The following CTBP2 variants were observed in gnomAD, a reference collection of about 807,000 sequenced individuals.
CTBP2 encodes the protein C-terminal binding protein 2.
Under a neutral mutation model 80.3 loss-of-function variants are expected in CTBP2, and 30 were observed. The observed-to-expected ratio is 0.37, with a 90% CI of 0.28 to 0.51. The LOEUF (loss-of-function observed/expected upper bound fraction) is 0.51. Among genes scored for constraint, CTBP2 ranks in the 20% least tolerant of loss-of-function variants. CTBP2 has a pLI of 0.93. For missense variants in CTBP2, 1,212 were observed against 1,375.3 expected (o/e 0.88, Z 1.88); for synonymous variants, 594 against 587.4 (o/e 1.01, Z -0.16).
At chr10:124,992,563 T>C (rs1952823971) in intron 8 of CTBP2, 132 bp downstream of exon 10, 2 of 618,984 alleles carry the variant, frequency 3.2e-6, no homozygotes, top group Non-Finnish European at 5.8e-6. Flanking sequence ...CAGTTCCTGC[T>C]GAGAAGGCTG....
At chr10:125,158,316 A>G (rs1401543907) in intron 1 of CTBP2, among the ~76,000 whole-genome samples, 1 of 152,172 alleles carries the variant, frequency 6.6e-6, no homozygotes, top group East Asian at 1.9e-4. Context: ...CTAGTAGAGA[A>G]AGCTATCTTT....
At position 125,064,874 on chromosome 10, in the gene CTBP2, G is replaced by A. The variant is rs1844387152; in HGVS notation, c.-101-25719C>T. 2.0e-5 allele frequency among the ~76,000 whole-genome samples: 3 copies of A among 152,204 alleles called. No homozygotes were observed. The South Asian group carries it at 6.2e-4, about 31-fold the overall frequency. On this transcript the variant is annotated intron_variant, in intron 2 of 10. Coordinates refer to the CTBP2 transcript ENST00000337195. ...TGGTTTGGTGACTTAGCTCAGAGCT[G>A]GTCTGGCTCTTCTCTACTTTCTTGC...
At chr10:125,132,287 C>T (rs1856308860) in intron 1 of CTBP2, among the ~76,000 whole-genome samples, 2 of 151,696 alleles carry the variant, frequency 1.3e-5, no homozygotes, top group South Asian at 2.1e-4. Flanking sequence ...TTATAAACCA[C>T]TAAGGGAGAA....
intron 1 of CTBP2, among the ~76,000 whole-genome samples, chr10:125,018,513 A>ACCAAAAG (rs1956720747): frequency 1.3e-5 from 2 of 151,490 alleles, no homozygotes; most frequent in Non-Finnish European, 1.5e-5. Context: ...CAAACCAAAA[A>ACCAAAAG]CCAAAAACCA....
chr10:125,083,572 C>T (rs1288964777), intron 2 of CTBP2, among the ~76,000 whole-genome samples: 1 of 152,196 alleles, frequency 6.6e-6, no homozygotes, highest in Non-Finnish European at 1.5e-5. Flanking sequence ...GATCAAAGAC[C>T]ATAACGCAAA....
At chr10:125,120,970 T>A (rs1396373038) in intron 1 of CTBP2, among the ~76,000 whole-genome samples, 1 of 152,244 alleles carries the variant, frequency 6.6e-6, no homozygotes, top group Non-Finnish European at 1.5e-5. Context: ...CCCCTGACAA[T>A]GACCTCACCC....
At chr10:125,032,555 C>A (rs890702114), upstream of CTBP2, among the ~76,000 whole-genome samples, 1 of 152,176 alleles carries the variant, frequency 6.6e-6, no homozygotes, top group Non-Finnish European at 1.5e-5. Context: ...AGAAAGGCAC[C>A]CCAAAAATAG....
chr10:125,011,039 C>G (rs1265507430), intron 1 of CTBP2, among the ~76,000 whole-genome samples: 1 of 152,194 alleles, frequency 6.6e-6, no homozygotes, highest in Non-Finnish European at 1.5e-5. Context: ...AATTATCCCT[C>G]AAGTTCCCCC....
chr10:125,086,435 C>G (rs117076139), intron 2 of CTBP2, among the ~76,000 whole-genome samples: 6,063 of 151,828 alleles, frequency 0.04, 188 homozygotes, highest in Middle Eastern at 0.082. Context: ...CTCAGCTACC[C>G]GGGAGACTGA....
exon 3 of CTBP2, chr10:125,039,149 A>G: frequency 2.9e-6 from 3 of 1,036,128 alleles, no homozygotes; most frequent in Non-Finnish European, 4.3e-6. Flanking sequence ...TGACGCCACT[A>G]TGAACCCTGA....
At chr10:125,120,723 G>A (rs1854174606) in intron 1 of CTBP2, among the ~76,000 whole-genome samples, 1 of 152,166 alleles carries the variant, frequency 6.6e-6, no homozygotes, top group African/African-American at 2.4e-5. Context: ...TGTCTCTCAG[G>A]CTGGAGTGCA....
In CTBP2 at chr10:125,152,649, T is replaced by C. The variant is rs184957877; in HGVS notation, c.-206+7670A>G. Reference sequence around the variant, plus strand: ...CCCAGATTTTACTTGTAGGCACTTATATGTGCATATTGGTATCTGTACAGC... The same window carrying C: ...CCCAGATTTTACTTGTAGGCACTTACATGTGCATATTGGTATCTGTACAGC... On this transcript the variant is annotated intron_variant, in intron 1 of 10. Coordinates refer to the CTBP2 transcript ENST00000337195. Among the ~76,000 whole-genome samples, 417 of 152,390 alleles carry C rather than the reference T, an allele frequency of 2.7e-3. 1 individual carries two copies. Among genetic ancestry groups the C allele is most frequent in the African/African-American group, 9.4e-3 (390 of 41,592 alleles).
At chr10:125,149,694 A>C (rs1157186429) in intron 1 of CTBP2, among the ~76,000 whole-genome samples, 1 of 152,244 alleles carries the variant, frequency 6.6e-6, no homozygotes, top group Non-Finnish European at 1.5e-5. Flanking sequence ...ATAGGAAGGT[A>C]ATCTTATAAA....
At chr10:125,079,114 TC>T (rs1478758693) in intron 2 of CTBP2, among the ~76,000 whole-genome samples, 1 of 131,376 alleles carries the variant, frequency 7.6e-6, no homozygotes, top group African/African-American at 3.0e-5. Context: ...GCCACTGCAC[TC>T]CTGCCTGGGT....
intron 2 of CTBP2, among the ~76,000 whole-genome samples, chr10:125,057,865 G>A (rs559937561): frequency 1.3e-5 from 2 of 152,184 alleles, no homozygotes; most frequent in African/African-American, 4.8e-5. Flanking sequence ...CCTGGACTTC[G>A]TTACACTCTG....
intron 2 of CTBP2, among the ~76,000 whole-genome samples, chr10:125,056,729 TGTTG>T (rs1286417528): frequency 6.6e-6 from 1 of 152,208 alleles, no homozygotes; most frequent in Non-Finnish European, 1.5e-5. Flanking sequence ...AGTCGAGGGA[TGTTG>T]GCTACAGAAA....
At chr10:125,128,458 G>A (rs1458992727) in intron 1 of CTBP2, among the ~76,000 whole-genome samples, 2 of 152,210 alleles carry the variant, frequency 1.3e-5, no homozygotes, top group Non-Finnish European at 2.9e-5. Flanking sequence ...GTTCAGAATA[G>A]CCAGGAAAAG....
Position 125,012,634 on chromosome 10 carries a change from A to G in CTBP2, c.1679-9142T>C, listed in dbSNP as rs187037001. Among the ~76,000 whole-genome samples the G allele has an allele frequency of 1.7e-3, 261 of 152,210 alleles. 1 individual carries two copies. The highest frequency in any genetic ancestry group is 3.2e-3 in the Non-Finnish European group (217 of 68,020). ...GAGCCTCAGGGCATCGCCAAAGACT[A>G]AAAATTGTTGTTGTTGTTGTTTTGA... On this transcript the variant is annotated intron_variant, in intron 1 of 8. Transcript: ENST00000309035.
At chr10:125,045,130 A>G (rs116677776) in intron 2 of CTBP2, among the ~76,000 whole-genome samples, 2,309 of 152,166 alleles carry the variant, frequency 0.015, 52 homozygotes, top group African/African-American at 0.051. Flanking sequence ...TGCCCTCAGG[A>G]ACAGGATTAT....
Sources: allele counts gnomAD v4.1 joint callset (sites outside exome capture counted in the v4.1 genomes callset), GRCh38; gene constraint gnomAD v4.1.1; transcripts MANE v1.5; gene names NCBI Gene and HGNC (gene_info 2026-07-23, HGNC 2026-07-21).